The following FBXO25 variants were observed in gnomAD, a reference collection of about 807,000 sequenced individuals.
FBXO25 encodes F-box only protein 25.
In FBXO25, 45 loss-of-function variants were observed where a neutral mutation model predicts 51.9. That is an observed-to-expected ratio of 0.87 (90% confidence interval 0.68 to 1.11). The LOEUF is 1.11. Among genes scored for constraint, FBXO25 ranks in the 50% most tolerant of loss-of-function variants. FBXO25 has a pLI of 0.00. For synonymous variants in FBXO25, 199 were observed against 151.0 expected (o/e 1.32, Z -2.33); for missense variants, 507 against 428.5 (o/e 1.18, Z -1.62).
chr8:464,639 G>C (rs868299135), intron 9 of FBXO25, among the ~76,000 whole-genome samples: 11 of 152,338 alleles, frequency 7.2e-5, no homozygotes, highest in Middle Eastern at 6.8e-3. Flanking sequence ...TTGTCGGAAA[G>C]AGACAACTGC....
intron 5 of FBXO25, among the ~76,000 whole-genome samples, chr8:441,115 A>G (rs1585054703): frequency 6.6e-6 from 1 of 151,152 alleles, no homozygotes; most frequent in Non-Finnish European, 1.5e-5. Context: ...ACTTCAGACT[A>G]TATTACAAGG....
intron 8 of FBXO25, among the ~76,000 whole-genome samples, chr8:460,220 T>G (rs879427387): frequency 1.3e-5 from 2 of 152,154 alleles, no homozygotes; most frequent in Admixed American, 1.3e-4. Flanking sequence ...ATCTAGACCC[T>G]AAACATACTT....
At chr8:435,785 T>C in intron 5 of FBXO25, 78 bp downstream of exon 5, 1 of 1,536,632 alleles carries the variant, frequency 6.5e-7, no homozygotes, top group Admixed American at 2.2e-5. Flanking sequence ...TGTACAACGT[T>C]GAAGATGCTT....
intron 5 of FBXO25, among the ~76,000 whole-genome samples, chr8:443,624 C>G (rs1193424344): frequency 6.6e-5 from 10 of 150,994 alleles, no homozygotes; most frequent in Admixed American, 5.9e-4. Context: ...GCGCTGGTTC[C>G]TAAGCCTGAA....
intron 7 of FBXO25, among the ~76,000 whole-genome samples, chr8:457,843 A>G (rs1799550938): frequency 6.6e-6 from 1 of 152,218 alleles, no homozygotes; most frequent in Admixed American, 6.5e-5. Flanking sequence ...AACCCCACAA[A>G]GCTAGAAGGA....
At chr8:453,266 G>T (rs1799206180) in intron 7 of FBXO25, among the ~76,000 whole-genome samples, 1 of 152,176 alleles carries the variant, frequency 6.6e-6, no homozygotes, top group African/African-American at 2.4e-5. Flanking sequence ...TACCATCAGA[G>T]ACCTTGAACT....
intron 9 of FBXO25, among the ~76,000 whole-genome samples, chr8:464,522 G>C (rs1365417156): frequency 6.6e-6 from 1 of 152,194 alleles, no homozygotes; most frequent in African/African-American, 2.4e-5. Flanking sequence ...TCTAGGTCTA[G>C]GGAGATGAGG....
chr8:430,708 A>T (rs1344071375), intron 2 of FBXO25, among the ~76,000 whole-genome samples: 2 of 152,274 alleles, frequency 1.3e-5, no homozygotes, highest in African/African-American at 4.8e-5. Flanking sequence ...GTGTTTTTTT[A>T]AAAAGTAAAA....
intron 5 of FBXO25, among the ~76,000 whole-genome samples, chr8:442,440 A>G (rs1376776129): frequency 6.6e-6 from 1 of 152,144 alleles, no homozygotes; most frequent in African/African-American, 2.4e-5. Context: ...ATAGTTAGAA[A>G]GAAGCAGAGG....
rs1233013674 is a variant in FBXO25, at chr8:476,778, T to C, written c.*7974T>C. 6.6e-6 allele frequency: 1 copy of C among 152,052 alleles called. No homozygotes were observed. Among genetic ancestry groups the C allele is most frequent in the Non-Finnish European group, 1.5e-5 (1 of 68,014 alleles). The allele number at this position is 152,052 out of a possible 1,614,324, so 9.4% of individuals were successfully genotyped here. ...GTTTCATTTATTTTTCTCTATTGCT[T>C]TTCTGTTCTCTATTTTGTCTCTGCT... On this transcript the variant is annotated 3_prime_UTR_variant, in exon 10 of 10. Transcript: ENST00000350302.
chr8:427,208 G>A (rs1263564505), intron 2 of FBXO25, among the ~76,000 whole-genome samples: 6 of 152,170 alleles, frequency 3.9e-5, no homozygotes, highest in East Asian at 3.9e-4. Flanking sequence ...GCTCCCTTCC[G>A]GGGAGGAGCT....
rs577590784 is a variant in FBXO25, at chr8:477,513, G to T, written c.*8709G>T. ...TTTCAACATGAAGATGAAATTATAG[G>T]ATGTCTGGGATTTCCTTTGAATCCG... On this transcript the variant is annotated 3_prime_UTR_variant, in exon 10 of 10. Coordinates refer to ENST00000350302, the MANE Select transcript of FBXO25 (RefSeq NM_183420.2). 6.6e-6 allele frequency: 1 copy of T among 152,370 alleles called. No individual in the cohort carries two copies. The highest frequency in any genetic ancestry group is 2.1e-4 in the South Asian group (1 of 4,826). 9.4% of individuals were successfully genotyped at this position (152,370 alleles called of 1,614,324 possible).
intron 1 of FBXO25, among the ~76,000 whole-genome samples, chr8:408,893 G>T (rs1239406075): frequency 6.6e-6 from 1 of 152,160 alleles, no homozygotes; most frequent in Non-Finnish European, 1.5e-5. Context: ...TTGAGTGCTT[G>T]CTCTTAAAAG....
Position 463,697 on chromosome 8 carries a change from C to G in FBXO25, c.987+547C>G, listed in dbSNP as rs558163787. Among the ~76,000 whole-genome samples the G allele has an allele frequency of 6.4e-4, 98 of 152,368 alleles. 1 individual carries two copies. Among genetic ancestry groups the G allele is most frequent in the South Asian group, 1.0e-3 (5 of 4,834 alleles). On this transcript the variant is annotated intron_variant, in intron 9 of 9. Transcript: ENST00000350302. The stretch of plus-strand genomic sequence containing the variant: ...TATGATCAGAACTTAACAAGACTAT[C>G]GTTACTTATCTGCAAGTCTCATCCC...
chr8:476,221 G>A lies in FBXO25; in HGVS notation c.*7417G>A, dbSNP rs1800637969. ...TGCATACCAGCTGTAAATCTTACTT[G>A]GCCATGATGTGTAATCCTTTCAATG... On this transcript the variant is annotated 3_prime_UTR_variant, in exon 10 of 10. Transcript: ENST00000350302. 1 of 151,946 alleles carries A rather than the reference G, an allele frequency of 6.6e-6. No individual in the cohort carries two copies. Among genetic ancestry groups the A allele is most frequent in the African/African-American group, 2.4e-5 (1 of 41,344 alleles). The allele number at this position is 151,946 out of a possible 1,614,324, so 9.4% of individuals were successfully genotyped here. A position where few individuals can be genotyped will look rare whatever the true frequency, so the allele number is the denominator to read the frequency against.
Position 475,425 on chromosome 8 carries a change from C to G in FBXO25, c.*6621C>G, listed in dbSNP as rs1800612606. Reference sequence around the variant, plus strand: ...CAAGATGATTTTGGCTGTGTGAGGTCTCTTGAGATTCCATATGAGTTTCAG... The same window carrying G: ...CAAGATGATTTTGGCTGTGTGAGGTGTCTTGAGATTCCATATGAGTTTCAG... On this transcript the variant is annotated 3_prime_UTR_variant, in exon 10 of 10. Coordinates refer to ENST00000350302, the MANE Select transcript of FBXO25 (RefSeq NM_183420.2). 6.5e-6 allele frequency: 1 copy of G among 154,236 alleles called. No individual in the cohort carries two copies. Among genetic ancestry groups the G allele is most frequent in the Non-Finnish European group, 1.4e-5 (1 of 69,856 alleles). 9.6% of individuals were successfully genotyped at this position (154,236 alleles called of 1,614,324 possible). A position where few individuals can be genotyped will look rare whatever the true frequency, so the allele number is the denominator to read the frequency against.
intron 5 of FBXO25, among the ~76,000 whole-genome samples, chr8:440,338 G>A (rs1798350968): frequency 1.3e-5 from 2 of 152,228 alleles, no homozygotes; most frequent in African/African-American, 4.8e-5. Flanking sequence ...TTCTTTTGAG[G>A]AGGATTTAGG....
At chr8:443,250 C>A (rs989350251) in intron 5 of FBXO25, among the ~76,000 whole-genome samples, 1 of 150,886 alleles carries the variant, frequency 6.6e-6, no homozygotes, top group Non-Finnish European at 1.5e-5. Context: ...AAAGTTTGTC[C>A]TCCAGGCAAG....
At chr8:423,254 T>C (rs974271599) in intron 2 of FBXO25, among the ~76,000 whole-genome samples, 2 of 152,182 alleles carry the variant, frequency 1.3e-5, no homozygotes, top group Non-Finnish European at 2.9e-5. Flanking sequence ...GTCTTCACCA[T>C]TGTGGTTCTT....
Sources: allele counts gnomAD v4.1 joint callset (sites outside exome capture counted in the v4.1 genomes callset), GRCh38; gene constraint gnomAD v4.1.1; transcripts MANE v1.5; gene names NCBI Gene and HGNC (gene_info 2026-07-23, HGNC 2026-07-21).